ATRNL1: variants seen among roughly 807,000 people sequenced by gnomAD.
ATRNL1 encodes the protein attractin-like protein 1.
ATRNL1 carries 95 observed loss-of-function variants against 182.7 expected under a neutral mutation model. The ratio of observed to expected loss-of-function variants is 0.52; its 90% CI spans 0.44 to 0.62. The LOEUF (loss-of-function observed/expected upper bound fraction) is 0.62, where lower values mean the gene tolerates loss of function less well. ATRNL1 is among the 20% of genes least tolerant of loss of function. The probability of loss-of-function intolerance (pLI) is 0.00; values close to 1 mark genes in which losing one functional copy is unlikely to be tolerated. For missense variants in ATRNL1, 1,471 were observed against 1,679.5 expected (o/e 0.88, Z 2.17); for synonymous variants, 576 against 568.3 (o/e 1.01, Z -0.19).
intron 20 of ATRNL1, among the ~76,000 whole-genome samples, chr10:115,396,366 A>C (rs1467460151): frequency 2.6e-5 from 4 of 151,978 alleles, no homozygotes; most frequent in Non-Finnish European, 4.4e-5. Context: ...AGTAAGGCCA[A>C]CTTCATGGGC....
At chr10:115,212,839 G>T (rs782292954) in intron 8 of ATRNL1, among the ~76,000 whole-genome samples, 16 of 151,932 alleles carry the variant, frequency 1.1e-4, no homozygotes, top group Non-Finnish European at 1.9e-4. Flanking sequence ...GCACACTGGG[G>T]CCTATTGGAG....
intron 27 of ATRNL1, among the ~76,000 whole-genome samples, chr10:115,762,389 ATTAAT>A (rs1457331479): frequency 6.6e-6 from 1 of 152,172 alleles, no homozygotes; most frequent in Non-Finnish European, 1.5e-5. Flanking sequence ...GAAGGGTCAG[ATTAAT>A]TTAATGCAGA....
At chr10:115,286,709 T>A (rs1450997532) in intron 15 of ATRNL1, among the ~76,000 whole-genome samples, 2 of 151,922 alleles carry the variant, frequency 1.3e-5, no homozygotes, top group Non-Finnish European at 2.9e-5. Flanking sequence ...GCAGAAACAA[T>A]TTTTGCTGAA....
At chr10:115,100,250 A>G (rs1250267892) in intron 1 of ATRNL1, among the ~76,000 whole-genome samples, 1 of 152,106 alleles carries the variant, frequency 6.6e-6, no homozygotes, top group Non-Finnish European at 1.5e-5. Context: ...CTGAGCTGTG[A>G]TTGTGTCACT....
intron 24 of ATRNL1, among the ~76,000 whole-genome samples, chr10:115,511,326 C>A (rs781841810): frequency 6.6e-6 from 1 of 151,732 alleles, no homozygotes; most frequent in Non-Finnish European, 1.5e-5. Flanking sequence ...AAGAATATAA[C>A]CTAATAAGAT....
At position 115,752,565 on chromosome 10, in the gene ATRNL1, A is replaced by G. The variant is rs150538935; in HGVS notation, c.3903+25210A>G. Among the ~76,000 whole-genome samples the G allele has an allele frequency of 3.9e-3, 587 of 152,158 alleles. 8 individuals are homozygous for G. Among genetic ancestry groups the G allele is most frequent in the African/African-American group, 0.013 (557 of 41,542 alleles). On this transcript the variant is annotated intron_variant, in intron 27 of 28. Coordinates refer to ENST00000355044, the MANE Select transcript of ATRNL1 (RefSeq NM_207303.4). ...AGTGTAGTGGAGATCAGTGTTGACC[A>G]TGGCAAGAGCATGCACATTCCTATC... is the stretch of plus-strand genomic sequence containing the variant.
intron 19 of ATRNL1, among the ~76,000 whole-genome samples, chr10:115,393,915 C>G (rs1460554626): frequency 6.6e-6 from 1 of 151,994 alleles, no homozygotes; most frequent in East Asian, 1.9e-4. Context: ...CCAAATTAAT[C>G]ATGCAACTTT....
At chr10:115,388,440 A>G (rs1440078309) in intron 19 of ATRNL1, among the ~76,000 whole-genome samples, 2 of 152,140 alleles carry the variant, frequency 1.3e-5, no homozygotes, top group Non-Finnish European at 2.9e-5. Flanking sequence ...AATTGATACC[A>G]GGTTTGTAAT....
intron 24 of ATRNL1, among the ~76,000 whole-genome samples, chr10:115,471,281 A>T (rs1554972071): frequency 6.6e-6 from 1 of 150,976 alleles, no homozygotes; most frequent in Non-Finnish European, 1.5e-5. Context: ...TATCTTGGCT[A>T]TTGGAAATAA....
intron 28 of ATRNL1, among the ~76,000 whole-genome samples, chr10:115,887,813 C>A (rs1951985254): frequency 6.6e-6 from 1 of 152,012 alleles, no homozygotes; most frequent in Admixed American, 6.6e-5. Flanking sequence ...TCTCTCACAT[C>A]CCTCCTATTT....
intron 14 of ATRNL1, among the ~76,000 whole-genome samples, chr10:115,285,261 C>T (rs2133935767): frequency 1.3e-5 from 2 of 152,062 alleles, no homozygotes; most frequent in South Asian, 4.2e-4. Context: ...TTAAAACGCT[C>T]CAAATCAGTA....
chr10:115,322,556 T>C (rs888219294), intron 18 of ATRNL1, among the ~76,000 whole-genome samples: 3 of 152,072 alleles, frequency 2.0e-5, no homozygotes, highest in African/African-American at 7.2e-5. Context: ...TAAATATGCA[T>C]TTCCTATTTT....
intron 13 of ATRNL1, among the ~76,000 whole-genome samples, chr10:115,273,585 C>A (rs1851968794): frequency 6.6e-6 from 1 of 152,178 alleles, no homozygotes; most frequent in South Asian, 2.1e-4. Flanking sequence ...TTTGATTTTG[C>A]CCACTGGAAA....
intron 27 of ATRNL1, among the ~76,000 whole-genome samples, chr10:115,751,531 A>T (rs1948448847): frequency 6.6e-6 from 1 of 152,018 alleles, no homozygotes; most frequent in Non-Finnish European, 1.5e-5. Flanking sequence ...ATATTTACAT[A>T]TACACTCACC....
chr10:115,706,356 C>A (rs782171480), intron 26 of ATRNL1, among the ~76,000 whole-genome samples: 14 of 151,800 alleles, frequency 9.2e-5, no homozygotes, highest in Non-Finnish European at 1.8e-4. Flanking sequence ...CAGTTAGGGC[C>A]CCTCAGGATG....
chr10:115,533,347 A>C (rs1554989068), intron 25 of ATRNL1, among the ~76,000 whole-genome samples: 1 of 152,094 alleles, frequency 6.6e-6, no homozygotes, highest in Admixed American at 6.5e-5. Context: ...GTATGTATCG[A>C]GGAATTTATC....
chr10:115,120,611 G>A (rs1236152662), intron 2 of ATRNL1, among the ~76,000 whole-genome samples: 1 of 151,960 alleles, frequency 6.6e-6, no homozygotes, highest in Non-Finnish European at 1.5e-5. Flanking sequence ...ATATAATTTA[G>A]CATTTTAGTT....
intron 26 of ATRNL1, among the ~76,000 whole-genome samples, chr10:115,719,749 A>T (rs578068439): frequency 6.6e-6 from 1 of 152,090 alleles, no homozygotes; most frequent in Non-Finnish European, 1.5e-5. Flanking sequence ...CTATCCAGAG[A>T]TACAAAGCTT....
chr10:115,776,613 G>T (rs1165083712), intron 27 of ATRNL1, among the ~76,000 whole-genome samples: 1 of 140,778 alleles, frequency 7.1e-6, no homozygotes, highest in Non-Finnish European at 1.5e-5. Flanking sequence ...TTCTTGAAAC[G>T]AAGCTAGAGG....
Sources: allele counts gnomAD v4.1 joint callset (sites outside exome capture counted in the v4.1 genomes callset), GRCh38; gene constraint gnomAD v4.1.1; transcripts MANE v1.5; gene names NCBI Gene and HGNC (gene_info 2026-07-23, HGNC 2026-07-21).